The following ADAMTSL3 variants were observed in gnomAD, a reference collection of about 807,000 sequenced individuals.
ADAMTSL3 encodes ADAMTS like 3, also known as ADAMTS-like protein 3.
A neutral mutation model predicts 201.7 loss-of-function variants in ADAMTSL3; 128 were observed. The observed-to-expected ratio is 0.63, with a 90% CI of 0.55 to 0.73. The LOEUF (loss-of-function observed/expected upper bound fraction) is 0.73, where lower values mean the gene tolerates loss of function less well. Among genes scored for constraint, ADAMTSL3 ranks in the 30% least tolerant of loss-of-function variants. The pLI is 0.00. For missense variants in ADAMTSL3, 1,990 were observed against 2,119.6 expected (o/e 0.94, Z 1.20); for synonymous variants, 738 against 748.4 (o/e 0.99, Z 0.23).
intron 23 of ADAMTSL3, among the ~76,000 whole-genome samples, chr15:83,994,700 G>A (rs1334225593): frequency 3.8e-5 from 5 of 133,154 alleles, no homozygotes; most frequent in Non-Finnish European, 7.7e-5. Flanking sequence ...AGGTTCAAAC[G>A]ATTCTCCTAC....
rs1009838851 is a variant in ADAMTSL3, at chr15:83,905,315, C to T, written c.1700+5584C>T. On this transcript the variant is annotated intron_variant, in intron 15 of 29. Coordinates refer to ENST00000286744, the MANE Select transcript of ADAMTSL3 (RefSeq NM_207517.3). ...GTTATTCGGGATCAGGGATGGTTTC[C>T]GGAAATAGATGGTACATGAACTGAG... 6.6e-5 allele frequency among the ~76,000 whole-genome samples: 10 copies of T among 152,216 alleles called. No individual in the cohort carries two copies. In the South Asian group the frequency reaches 1.5e-3, roughly 22 times the overall value.
intron 2 of ADAMTSL3, among the ~76,000 whole-genome samples, chr15:83,684,533 C>T (rs2061512574): frequency 6.6e-6 from 1 of 152,020 alleles, no homozygotes; most frequent in African/African-American, 2.4e-5. Flanking sequence ...CTGTGAATAG[C>T]CACTGCACTC....
intron 17 of ADAMTSL3, among the ~76,000 whole-genome samples, chr15:83,925,092 G>A (rs1283336086): frequency 6.6e-6 from 1 of 152,124 alleles, no homozygotes; most frequent in Non-Finnish European, 1.5e-5. Context: ...CAATCTGTTG[G>A]CTATGATGTT....
intron 4 of ADAMTSL3, among the ~76,000 whole-genome samples, chr15:83,785,774 T>C (rs1279174308): frequency 6.6e-6 from 1 of 152,116 alleles, no homozygotes; most frequent in African/African-American, 2.4e-5. Context: ...TTTATCATGT[T>C]CTCTTTAATT....
At chr15:83,803,818 T>C (rs1207573185) in intron 4 of ADAMTSL3, among the ~76,000 whole-genome samples, 1 of 152,124 alleles carries the variant, frequency 6.6e-6, no homozygotes, top group Admixed American at 6.6e-5. Flanking sequence ...CAACATGACT[T>C]GGTAGAATCC....
intron 7 of ADAMTSL3, among the ~76,000 whole-genome samples, chr15:83,846,787 A>G (rs62025812): frequency 0.14 from 21,119 of 152,282 alleles, 1,909 homozygotes; most frequent in Middle Eastern, 0.33. Context: ...CAGAAGGCAG[A>G]TGACTGTTTT....
At chr15:83,690,475 A>G (rs1468034730) in intron 2 of ADAMTSL3, among the ~76,000 whole-genome samples, 1 of 152,100 alleles carries the variant, frequency 6.6e-6, no homozygotes. Flanking sequence ...CTGTTGTTCT[A>G]GAAGATCTGT....
intron 19 of ADAMTSL3, among the ~76,000 whole-genome samples, chr15:83,943,624 T>G (rs2142039306): frequency 6.6e-6 from 1 of 152,324 alleles, no homozygotes; most frequent in Non-Finnish European, 1.5e-5. Context: ...ATTTTTCAGG[T>G]GGGGGAAATT....
At position 83,983,113 on chromosome 15, in the gene ADAMTSL3, C is replaced by T. The variant is rs201924123; in HGVS notation, c.3485C>T (p.Ser1162Leu). 54 of 1,613,446 alleles carry T rather than the reference C, an allele frequency of 3.3e-5. No homozygotes were observed. The highest frequency in any genetic ancestry group is 4.1e-5 in the Non-Finnish European group (48 of 1,179,870). ...RGETGSVSQS[S>L]HAKNSGKLTF... is the part of the protein sequence containing the mutation. ...GAAACAGGGAGTGTGTCCCAAAGCT[C>T]GCATGCAAAAAACTCAGGCAAGCTG... is the stretch of plus-strand genomic sequence containing the variant. The change falls in exon 21 of 30, where the codon TCG (serine) becomes TTG (leucine). Residue 1162 changes from serine (S) to leucine (L), a missense_variant. Ser to Leu is a moderately radical substitution (Grantham distance 145, BLOSUM62 -2). Transcript: ENST00000286744.
At chr15:83,958,154 G>A (rs2066895146) in intron 19 of ADAMTSL3, among the ~76,000 whole-genome samples, 1 of 152,156 alleles carries the variant, frequency 6.6e-6, no homozygotes, top group African/African-American at 2.4e-5. Context: ...CAAGAGTTGT[G>A]GAACACAGAT....
At chr15:83,656,851 A>G (rs2061091700) in intron 2 of ADAMTSL3, among the ~76,000 whole-genome samples, 1 of 152,162 alleles carries the variant, frequency 6.6e-6, no homozygotes, top group Admixed American at 6.5e-5. Flanking sequence ...GAAGATATAT[A>G]CCCTGGGATA....
At chr15:83,710,859 C>T (rs1171158842) in intron 3 of ADAMTSL3, among the ~76,000 whole-genome samples, 2 of 152,124 alleles carry the variant, frequency 1.3e-5, no homozygotes, top group Non-Finnish European at 2.9e-5. Flanking sequence ...GGAATCTGAG[C>T]CCCGGAGAGG....
chr15:83,916,744 G>A (rs1350880022), intron 16 of ADAMTSL3, among the ~76,000 whole-genome samples: 3 of 151,844 alleles, frequency 2.0e-5, no homozygotes, highest in African/African-American at 7.3e-5. Flanking sequence ...CCAGGAGTTG[G>A]AGATCAATCT....
intron 2 of ADAMTSL3, 47 bp from the exon 3 acceptor site, chr15:83,704,342 G>T: frequency 6.2e-7 from 1 of 1,613,276 alleles, no homozygotes; most frequent in Non-Finnish European, 8.5e-7. Context: ...CCTGTCAGGG[G>T]GTCCTTACTG....
intron 23 of ADAMTSL3, among the ~76,000 whole-genome samples, chr15:84,010,384 G>C (rs767118811): frequency 6.6e-6 from 1 of 152,130 alleles, no homozygotes; most frequent in Non-Finnish European, 1.5e-5. Flanking sequence ...TATTATCTTT[G>C]CTGCTTGGAA....
intron 3 of ADAMTSL3, among the ~76,000 whole-genome samples, chr15:83,709,581 T>TCAC (rs747360354): frequency 6.6e-6 from 1 of 152,160 alleles, no homozygotes; most frequent in Non-Finnish European, 1.5e-5. Context: ...TCTGCCTAGA[T>TCAC]CACCTTCTGG....
chr15:84,013,366 G>A (rs772879627), intron 23 of ADAMTSL3, among the ~76,000 whole-genome samples: 7 of 152,142 alleles, frequency 4.6e-5, no homozygotes, highest in African/African-American at 1.2e-4. Context: ...TGATAATAGC[G>A]GTCGCATCTA....
At chr15:83,750,008 T>G (rs2062612886) in intron 3 of ADAMTSL3, among the ~76,000 whole-genome samples, 1 of 152,228 alleles carries the variant, frequency 6.6e-6, no homozygotes, top group Non-Finnish European at 1.5e-5. Context: ...TTGAAAGATG[T>G]TGAAGACTAG....
At chr15:83,870,626 G>C (rs1477757918) in intron 8 of ADAMTSL3, among the ~76,000 whole-genome samples, 176 bp from the exon 9 acceptor site, 1 of 152,048 alleles carries the variant, frequency 6.6e-6, no homozygotes, top group Non-Finnish European at 1.5e-5. Flanking sequence ...CTTTTGTTAC[G>C]GGCAATTAAA....
Sources: gnomAD v4.1 joint callset for allele counts (sites outside exome capture counted in the v4.1 genomes callset) on GRCh38, gnomAD v4.1.1 for gene constraint, MANE v1.5 for transcripts, NCBI Gene and HGNC (gene_info 2026-07-23, HGNC 2026-07-21) for gene names.